Variants in RBMS3 observed in about 807,000 individuals in gnomAD.
RBMS3 encodes the protein RNA-binding motif, single-stranded-interacting protein 3.
In RBMS3, 27 loss-of-function variants were observed where a neutral mutation model predicts 66.8. The observed-to-expected ratio is 0.40, with a 90% CI of 0.30 to 0.56. RBMS3 has a LOEUF of 0.56. RBMS3 is among the 20% of genes least tolerant of loss of function. The probability of loss-of-function intolerance (pLI) is 0.40; values close to 1 mark genes in which losing one functional copy is unlikely to be tolerated. For synonymous variants in RBMS3, 188 were observed against 183.0 expected (o/e 1.03, Z -0.22); for missense variants, 513 against 549.5 (o/e 0.93, Z 0.66).
At chr3:29,389,438 C>T (rs1016428158) in intron 1 of RBMS3, among the ~76,000 whole-genome samples, 1 of 152,200 alleles carries the variant, frequency 6.6e-6, no homozygotes, top group African/African-American at 2.4e-5. Context: ...TGTTTTATCA[C>T]AGACAGGGAA....
chr3:29,725,338 C>G (rs1296760493), intron 4 of RBMS3, among the ~76,000 whole-genome samples: 1 of 151,982 alleles, frequency 6.6e-6, no homozygotes, highest in East Asian at 1.9e-4. Flanking sequence ...AATTCAAAAG[C>G]TAACAGAAGA....
chr3:29,502,151 C>T (rs1019630321), intron 3 of RBMS3, among the ~76,000 whole-genome samples: 3 of 152,082 alleles, frequency 2.0e-5, no homozygotes, highest in African/African-American at 7.2e-5. Context: ...GCCCGCTTCA[C>T]TCATTTGTAT....
In RBMS3 at chr3:30,008,141, A is replaced by G. The variant is rs1699854499; in HGVS notation, c.*4279A>G. 1 of 149,888 alleles carries G rather than the reference A, an allele frequency of 6.7e-6. No individual in the cohort carries two copies. The highest frequency in any genetic ancestry group is 2.1e-4 in the South Asian group (1 of 4,776). 9.3% of individuals were successfully genotyped at this position (149,888 alleles called of 1,614,324 possible). A position where few individuals can be genotyped will look rare whatever the true frequency, so the allele number is the denominator to read the frequency against. On this transcript the variant is annotated 3_prime_UTR_variant, in exon 15 of 15. Transcript: ENST00000383767. ...ATTTGCTAAATACCTATTTTTTTTTACAGTGGCCTAAAACCCCTATTAATG... is the reference window on the plus strand; with the variant it reads ...ATTTGCTAAATACCTATTTTTTTTTGCAGTGGCCTAAAACCCCTATTAATG...
chr3:29,748,721 T>C (rs1238383868), intron 5 of RBMS3, among the ~76,000 whole-genome samples: 1 of 152,182 alleles, frequency 6.6e-6, no homozygotes, highest in Non-Finnish European at 1.5e-5. Context: ...TAGCTCAGCC[T>C]GATCTGAGTT....
At chr3:29,672,199 G>T (rs2051033108) in intron 4 of RBMS3, among the ~76,000 whole-genome samples, 1 of 152,136 alleles carries the variant, frequency 6.6e-6, no homozygotes, top group African/African-American at 2.4e-5. Context: ...CTTCATAAGT[G>T]AAGGAGAAAT....
chr3:29,469,605 A>G (rs2042651647), intron 2 of RBMS3, among the ~76,000 whole-genome samples: 1 of 151,916 alleles, frequency 6.6e-6, no homozygotes. Flanking sequence ...AAAAAGTTGT[A>G]GTAAAATATG....
rs576805488 is a variant in RBMS3, at chr3:29,769,109, A to G, written c.637+6120A>G. Among the ~76,000 whole-genome samples the G allele has an allele frequency of 7.9e-5, 12 of 151,976 alleles. No individual in the cohort carries two copies. The South Asian group carries it at 1.0e-3, about 13-fold the overall frequency. On this transcript the variant is annotated intron_variant, in intron 6 of 14. Coordinates refer to ENST00000383767, the MANE Select transcript of RBMS3 (RefSeq NM_001003793.3). The stretch of plus-strand genomic sequence containing the variant: ...AAAGAGCAGAGATTATAAATCCCAT[A>G]GTAGGGTTAATGAAGGTGAACATTA...
At chr3:29,558,976 T>C (rs545751973) in intron 3 of RBMS3, among the ~76,000 whole-genome samples, 6 of 152,174 alleles carry the variant, frequency 3.9e-5, no homozygotes, top group Admixed American at 1.3e-4. Flanking sequence ...GCCTTAAAGA[T>C]TATTTAATAC....
intron 4 of RBMS3, among the ~76,000 whole-genome samples, chr3:29,645,858 G>T (rs1002063227): frequency 6.6e-6 from 1 of 152,144 alleles, no homozygotes; most frequent in African/African-American, 2.4e-5. Flanking sequence ...AATTACCACT[G>T]GGTCACTGGC....
intron 4 of RBMS3, among the ~76,000 whole-genome samples, chr3:29,618,277 C>T (rs1233834523): frequency 6.6e-6 from 1 of 152,066 alleles, no homozygotes; most frequent in Non-Finnish European, 1.5e-5. Context: ...GGTGGAACCC[C>T]TGAGGTCAAG....
intron 2 of RBMS3, among the ~76,000 whole-genome samples, chr3:29,477,538 A>C (rs572578795): frequency 6.6e-6 from 1 of 152,302 alleles, no homozygotes; most frequent in South Asian, 2.1e-4. Flanking sequence ...GAAAAGATAC[A>C]ATATAGTACA....
chr3:29,711,310 A>T (rs1238202076), intron 4 of RBMS3, among the ~76,000 whole-genome samples: 3 of 152,178 alleles, frequency 2.0e-5, no homozygotes, highest in African/African-American at 7.2e-5. Context: ...AAGGAAATGG[A>T]CATTGTGTCC....
chr3:29,995,368 C>A (rs368257455), intron 14 of RBMS3, among the ~76,000 whole-genome samples: 177 of 152,140 alleles, frequency 1.2e-3, no homozygotes, highest in Admixed American at 3.0e-3. Context: ...GAACTTCCCC[C>A]ATCTAGCAAG....
At chr3:29,772,290 T>G (rs963172022) in intron 6 of RBMS3, among the ~76,000 whole-genome samples, 1 of 152,002 alleles carries the variant, frequency 6.6e-6, no homozygotes, top group Non-Finnish European at 1.5e-5. Context: ...TTATGTTGTT[T>G]TATGCCTCTA....
intron 8 of RBMS3, among the ~76,000 whole-genome samples, chr3:29,894,212 A>ATTTG (rs1003300425): frequency 4.0e-5 from 6 of 151,130 alleles, no homozygotes; most frequent in Non-Finnish European, 8.9e-5. Context: ...CATCTTTTTC[A>ATTTG]TTTGTTTGTT....
chr3:29,793,452 A>G (rs1256450239), intron 6 of RBMS3, among the ~76,000 whole-genome samples: 2 of 152,238 alleles, frequency 1.3e-5, no homozygotes, highest in African/African-American at 4.8e-5. Context: ...GAATAATAAA[A>G]AAGCATGTCA....
intron 6 of RBMS3, among the ~76,000 whole-genome samples, chr3:29,810,655 A>G (rs947765861): frequency 1.2e-4 from 18 of 152,202 alleles, no homozygotes; most frequent in Admixed American, 5.9e-4. Flanking sequence ...GGTGTAACAC[A>G]TTCATGGTGT....
intron 1 of RBMS3, among the ~76,000 whole-genome samples, chr3:29,402,402 A>G (rs1030901349): frequency 6.6e-6 from 1 of 152,058 alleles, no homozygotes; most frequent in Non-Finnish European, 1.5e-5. Context: ...TTGTTTTTGT[A>G]TTCCCTGCAG....
intron 12 of RBMS3, among the ~76,000 whole-genome samples, chr3:29,952,104 AATAAAG>A (rs1229049469): frequency 2.0e-5 from 3 of 151,870 alleles, no homozygotes; most frequent in African/African-American, 7.2e-5. Flanking sequence ...TGAAAATGAA[AATAAAG>A]ATGATGATAA....
Sources: gnomAD v4.1 joint callset for allele counts (sites outside exome capture counted in the v4.1 genomes callset) on GRCh38, gnomAD v4.1.1 for gene constraint, MANE v1.5 for transcripts, NCBI Gene and HGNC (gene_info 2026-07-23, HGNC 2026-07-21) for gene names.